Variants in ERG observed in about 807,000 individuals in gnomAD.
ERG encodes the protein transcriptional regulator ERG.
Under a neutral mutation model 55.3 loss-of-function variants are expected in ERG, and 9 were observed. The observed-to-expected ratio is 0.16, with a 90% CI of 0.10 to 0.28. The LOEUF (loss-of-function observed/expected upper bound fraction) is 0.28, where lower values mean the gene tolerates loss of function less well. Among genes scored for constraint, ERG ranks in the 10% least tolerant of loss-of-function variants. ERG has a pLI of 1.00. For missense variants in ERG, 434 were observed against 631.6 expected, an observed-to-expected ratio of 0.69 and a Z score of 3.35; for synonymous variants, 223 against 237.3, an observed-to-expected ratio of 0.94 and a Z score of 0.55.
chr21:38,476,319 C>T (rs1003621861), intron 1 of ERG, among the ~76,000 whole-genome samples: 12 of 152,208 alleles, frequency 7.9e-5, no homozygotes, highest in African/African-American at 2.4e-4. Flanking sequence ...ATCGCCCCTA[C>T]ACCTTTCACC....
intron 1 of ERG, among the ~76,000 whole-genome samples, chr21:38,596,815 G>C (rs2060134072): frequency 6.6e-6 from 1 of 152,166 alleles, no homozygotes; most frequent in African/African-American, 2.4e-5. Context: ...GCTGGAAGTG[G>C]TTTACCTCCC....
intron 2 of ERG, among the ~76,000 whole-genome samples, chr21:38,532,172 TACTC>T (rs1601197761): frequency 6.6e-6 from 1 of 152,198 alleles, no homozygotes; most frequent in East Asian, 1.9e-4. Context: ...CTCATTCCGT[TACTC>T]ACAGGAGCAA....
Position 38,414,821 on chromosome 21 carries a change from T to TG in ERG, c.388+8588_388+8589insC, listed in dbSNP as rs1989209165. Among the ~76,000 whole-genome samples, 3 of 151,152 alleles carry TG rather than the reference T, an allele frequency of 2.0e-5. No individual in the cohort carries two copies. In the South Asian group the frequency reaches 6.3e-4, roughly 32 times the overall value. On this transcript the variant is annotated intron_variant, in intron 3 of 9. Coordinates refer to ENST00000288319, the MANE Select transcript of ERG (RefSeq NM_182918.4). The stretch of plus-strand genomic sequence containing the variant: ...AACTGAAATCACCTATTTTAAACAT[T>TG]TTTTTTTTGTATATTCATTAACACC...
intron 1 of ERG, among the ~76,000 whole-genome samples, chr21:38,482,821 G>A (rs1208733589): frequency 1.3e-5 from 2 of 151,924 alleles, no homozygotes; most frequent in African/African-American, 4.8e-5. Context: ...AGGATTACAG[G>A]CACCCACGAC....
intron 8 of ERG, 91 bp from the exon 9 acceptor site, chr21:38,391,133 T>C (rs1987949724): frequency 1.8e-6 from 2 of 1,110,626 alleles, no homozygotes; most frequent in Non-Finnish European, 2.7e-6. Context: ...TAATTGTTTT[T>C]TCAGATTTCA....
chr21:38,523,809 C>A (rs757697720), intron 2 of ERG, among the ~76,000 whole-genome samples: 1 of 152,180 alleles, frequency 6.6e-6, no homozygotes, highest in Non-Finnish European at 1.5e-5. Context: ...CCAGTGATGG[C>A]CCATCGGTAC....
intron 2 of ERG, among the ~76,000 whole-genome samples, chr21:38,534,361 C>G (rs1380436910): frequency 4.9e-5 from 3 of 61,092 alleles, no homozygotes; most frequent in African/African-American, 1.0e-4. Flanking sequence ...GCCAAATGAA[C>G]ACCTGTTTCA....
At chr21:38,457,880 T>C (rs1351239181) in intron 1 of ERG, among the ~76,000 whole-genome samples, 1 of 152,242 alleles carries the variant, frequency 6.6e-6, no homozygotes, top group Non-Finnish European at 1.5e-5. Context: ...GGGCTACGCC[T>C]ACTTCAAAGA....
chr21:38,380,577 G>C lies in ERG; in HGVS notation c.*2826C>G. The C allele has an allele frequency of 9.4e-7, 1 of 1,065,718 alleles. No individual in the cohort carries two copies. Among genetic ancestry groups the C allele is most frequent in the South Asian group, 4.5e-5 (1 of 21,982 alleles). 66.0% of individuals were successfully genotyped at this position (1,065,718 alleles called of 1,614,324 possible). A position where few individuals can be genotyped will look rare whatever the true frequency, so the allele number is the denominator to read the frequency against. The stretch of plus-strand genomic sequence containing the variant: ...GAGACAGGGACAAACAGAGAGAAAA[G>C]GTTCATGCAATTATGAATATGACCT... On this transcript the variant is annotated 3_prime_UTR_variant, in exon 10 of 10. Coordinates refer to ENST00000288319, the MANE Select transcript of ERG (RefSeq NM_182918.4).
intron 2 of ERG, among the ~76,000 whole-genome samples, chr21:38,570,683 A>G (rs903755714): frequency 4.6e-5 from 7 of 152,240 alleles, no homozygotes; most frequent in African/African-American, 1.7e-4. Context: ...GAACTTGTAC[A>G]AAATCACCAA....
intron 2 of ERG, among the ~76,000 whole-genome samples, chr21:38,431,336 C>T (rs938135299): frequency 2.0e-5 from 3 of 152,162 alleles, no homozygotes; most frequent in Non-Finnish European, 4.4e-5. Flanking sequence ...AGTTTAGCTT[C>T]GTTAACAGTT....
At chr21:38,520,040 A>C (rs149023660) in intron 2 of ERG, among the ~76,000 whole-genome samples, 1 of 37,138 alleles carries the variant, frequency 2.7e-5, no homozygotes, top group Non-Finnish European at 5.0e-5. Flanking sequence ...CACAACAAAA[A>C]CAAAAAAAAC....
At chr21:38,629,031 A>G (rs2060341539) in intron 1 of ERG, among the ~76,000 whole-genome samples, 1 of 152,200 alleles carries the variant, frequency 6.6e-6, no homozygotes, top group Non-Finnish European at 1.5e-5. Flanking sequence ...GTTTTAGGCA[A>G]TAACATTTAC....
rs192585280 is a variant in ERG at position 38,430,913 on chromosome 21, C to T, written c.237-7352G>A. On this transcript the variant is annotated intron_variant, in intron 2 of 9. Coordinates refer to ENST00000288319, the MANE Select transcript of ERG (RefSeq NM_182918.4). The stretch of plus-strand genomic sequence containing the variant: ...ATTTGGTCATAACTGTGGTCACTCA[C>T]AGGAACACAGAAATAGTGTAGGAAG... Among the ~76,000 whole-genome samples, 95 of 152,220 alleles carry T rather than the reference C, an allele frequency of 6.2e-4. No individual in the cohort carries two copies. The Middle Eastern group carries it at 0.017, about 27-fold the overall frequency.
intron 1 of ERG, among the ~76,000 whole-genome samples, chr21:38,627,417 C>A (rs2060331363): frequency 6.6e-6 from 1 of 151,792 alleles, no homozygotes; most frequent in Non-Finnish European, 1.5e-5. Context: ...GCTGTAATGA[C>A]AGGAAAATAC....
intron 9 of ERG, among the ~76,000 whole-genome samples, chr21:38,390,479 T>A (rs1358354483): frequency 6.6e-6 from 1 of 152,228 alleles, no homozygotes; most frequent in Non-Finnish European, 1.5e-5. Flanking sequence ...CAAGTTATAG[T>A]AAGGTTATGG....
chr21:38,599,466 G>A lies in ERG; in HGVS notation c.-149-14521C>T, dbSNP rs539409078. On this transcript the variant is annotated intron_variant, in intron 1 of 10. Coordinates refer to the ERG transcript ENST00000398910. ...ACCTTTGCTTCACAGAGGGGAATCC[G>A]ACACCAAATTATGATGCATGGCCAA... Among the ~76,000 whole-genome samples, 9 of 152,246 alleles carry A rather than the reference G, an allele frequency of 5.9e-5. No individual in the cohort carries two copies. In the South Asian group the frequency reaches 1.7e-3, roughly 28 times the overall value.
At chr21:38,396,704 G>A (rs1342059166) in intron 6 of ERG, among the ~76,000 whole-genome samples, 1 of 152,206 alleles carries the variant, frequency 6.6e-6, no homozygotes, top group African/African-American at 2.4e-5. Context: ...GACAGGCAGG[G>A]TGGTGCACTG....
At chr21:38,559,533 T>C (rs953480409) in intron 2 of ERG, among the ~76,000 whole-genome samples, 1 of 152,080 alleles carries the variant, frequency 6.6e-6, no homozygotes, top group Non-Finnish European at 1.5e-5. Context: ...GATGACAGAC[T>C]TTAACAAAAT....
Sources: gnomAD v4.1 joint callset for allele counts (sites outside exome capture counted in the v4.1 genomes callset) on GRCh38, gnomAD v4.1.1 for gene constraint, MANE v1.5 for transcripts, NCBI Gene and HGNC (gene_info 2026-07-23, HGNC 2026-07-21) for gene names.